The following HPCAL1 variants were observed in gnomAD, a reference collection of about 807,000 sequenced individuals.
HPCAL1 encodes hippocalcin-like protein 1.
Under a neutral mutation model 17.1 loss-of-function variants are expected in HPCAL1, and 8 were observed. That is an observed-to-expected ratio of 0.47 (90% CI 0.27 to 0.84). HPCAL1 has a LOEUF of 0.84. HPCAL1 is among the 40% of genes least tolerant of loss of function. The pLI is 0.13. For synonymous variants in HPCAL1, 112 were observed against 111.4 expected (o/e 1.01, Z -0.03); for missense variants, 165 against 271.1 (o/e 0.61, Z 2.75).
rs193269498 is a variant in HPCAL1, at chr2:10,384,835, C to T, written c.-110-12000C>T. 7.9e-5 allele frequency among the ~76,000 whole-genome samples: 12 copies of T among 152,192 alleles called. No homozygotes were observed. Among genetic ancestry groups the T allele is most frequent in the Admixed American group, 5.9e-4 (9 of 15,276 alleles). On this transcript the variant is annotated intron_variant, in intron 1 of 4. Transcript: ENST00000307845. This position sits in a 1 kb window ranked among gnomAD's most constrained non-coding sequence, Gnocchi z 4.4. Reference sequence around the variant, plus strand: ...AAAGATGTGAAAATAAAGATAGAGGCGACAGGCTGGGTGCGGTGGCTCATG... The same window carrying T: ...AAAGATGTGAAAATAAAGATAGAGGTGACAGGCTGGGTGCGGTGGCTCATG...
rs529797324 is a variant in HPCAL1, at chr2:10,387,389, C to T, written c.-110-9446C>T. Among the ~76,000 whole-genome samples the T allele has an allele frequency of 3.3e-5, 5 of 152,360 alleles. No homozygotes were observed. The East Asian group carries it at 5.8e-4, about 18-fold the overall frequency. ...GACTGGCTCTAGCTGCTGTGGGGCA[C>T]GTCCACGTGGAGAAGCGCTTGGTGT... On this transcript the variant is annotated intron_variant, in intron 1 of 4. Coordinates refer to ENST00000307845, the MANE Select transcript of HPCAL1 (RefSeq NM_002149.4).
At chr2:10,347,107 C>T (rs1159444419) in intron 1 of HPCAL1, among the ~76,000 whole-genome samples, 1 of 152,116 alleles carries the variant, frequency 6.6e-6, no homozygotes, top group Non-Finnish European at 1.5e-5. Flanking sequence ...CCCGCACCGC[C>T]CCCGCCCCCC....
chr2:10,413,233 C>T (rs922785656), intron 2 of HPCAL1, among the ~76,000 whole-genome samples: 16 of 152,200 alleles, frequency 1.1e-4, no homozygotes, highest in African/African-American at 3.6e-4. Flanking sequence ...CCCTGGGGCT[C>T]CTGGGACACA....
At position 10,362,559 on chromosome 2, in the gene HPCAL1, G is replaced by A. The variant is rs1470344696; in HGVS notation, c.-110-34276G>A. On this transcript the variant is annotated intron_variant, in intron 1 of 4. Coordinates refer to ENST00000307845, the MANE Select transcript of HPCAL1 (RefSeq NM_002149.4). This position sits in a 1 kb window ranked among gnomAD's most constrained non-coding sequence, Gnocchi z 5.0. ...AAAGGTGAGCTGGGCGATGGGGAAG[G>A]CCTCCACGGTGTTCTGTTGTAATGT... Among the ~76,000 whole-genome samples, 1 of 152,208 alleles carries A rather than the reference G, an allele frequency of 6.6e-6. No homozygotes were observed. Among genetic ancestry groups the A allele is most frequent in the Non-Finnish European group, 1.5e-5 (1 of 68,026 alleles).
At chr2:10,307,472 T>C (rs964824417) in intron 1 of HPCAL1, among the ~76,000 whole-genome samples, 1 of 152,170 alleles carries the variant, frequency 6.6e-6, no homozygotes, top group Non-Finnish European at 1.5e-5. Context: ...GATATAGATA[T>C]ACACCTGAGC....
chr2:10,422,961 G>C (rs2148042117), intron 3 of HPCAL1, 22 bp from the exon 4 acceptor site: 2 of 1,571,102 alleles, frequency 1.3e-6, no homozygotes, highest in Middle Eastern at 1.7e-4. Context: ...TCTGAGCACA[G>C]TGTCATTGCC....
intron 1 of HPCAL1, among the ~76,000 whole-genome samples, chr2:10,382,748 C>T (rs570598421): frequency 2.0e-5 from 3 of 152,298 alleles, no homozygotes; most frequent in East Asian, 3.9e-4. Flanking sequence ...TCCCTGCTCC[C>T]GTGTGGGACC....
At position 10,375,810 on chromosome 2, in the gene HPCAL1, C is replaced by A. The variant is rs945666582; in HGVS notation, c.-110-21025C>A. Among the ~76,000 whole-genome samples, 7 of 152,306 alleles carry A rather than the reference C, an allele frequency of 4.6e-5. 1 individual carries two copies. Among genetic ancestry groups the A allele is most frequent in the South Asian group, 2.1e-4 (1 of 4,826 alleles). The stretch of plus-strand genomic sequence containing the variant: ...TCAGCAGGTGCTGGCTCCCTTACGG[C>A]CCGAAGGAATCGATTGACAAACTCT... On this transcript the variant is annotated intron_variant, in intron 1 of 4. Transcript: ENST00000307845.
intron 1 of HPCAL1, among the ~76,000 whole-genome samples, chr2:10,373,111 C>T (rs1055023474): frequency 1.3e-5 from 2 of 152,174 alleles, no homozygotes; most frequent in African/African-American, 4.8e-5. Context: ...CTGAGAGCTG[C>T]GAGCCGGGGC....
intron 1 of HPCAL1, among the ~76,000 whole-genome samples, chr2:10,319,270 C>T (rs952718384): frequency 1.3e-5 from 2 of 152,174 alleles, no homozygotes; most frequent in Non-Finnish European, 2.9e-5. Context: ...CATTTTCCCT[C>T]TGCAAGATGT....
intron 1 of HPCAL1, among the ~76,000 whole-genome samples, chr2:10,372,578 C>A (rs1558495305): frequency 6.6e-6 from 1 of 152,188 alleles, no homozygotes; most frequent in Non-Finnish European, 1.5e-5. Context: ...CAAGGCAGAA[C>A]CCAGCAGCCG....
intron 1 of HPCAL1, among the ~76,000 whole-genome samples, chr2:10,346,751 G>A (rs1171095633): frequency 6.6e-6 from 1 of 152,112 alleles, no homozygotes; most frequent in Non-Finnish European, 1.5e-5. Flanking sequence ...ACAAAAACGA[G>A]ACTGTGAGAG....
rs1284814504 is a variant in HPCAL1, at chr2:10,394,463, G to A, written c.-110-2372G>A. Among the ~76,000 whole-genome samples, 1 of 152,204 alleles carries A rather than the reference G, an allele frequency of 6.6e-6. No individual in the cohort carries two copies. The highest frequency in any genetic ancestry group is 1.5e-5 in the Non-Finnish European group (1 of 68,046). ...GTGAGATAAATTGGCTGAGATCATC[G>A]ATTTGAAAACGCCGTGAGAAAATAT... On this transcript the variant is annotated intron_variant, in intron 1 of 4. Transcript: ENST00000307845. The surrounding 1 kb of genome is among the most constrained non-coding windows in gnomAD (Gnocchi z 5.0).
In HPCAL1 at chr2:10,315,998, C is replaced by A. The variant is rs186107858; in HGVS notation, c.-111+12821C>A. ...CTCCAGCCTGGGCAACAGAGTGAGA[C>A]TTGCTCTCAAAAAAAAACAACATCC... is the stretch of plus-strand genomic sequence containing the variant. On this transcript the variant is annotated intron_variant, in intron 1 of 4. Transcript: ENST00000307845. Among the ~76,000 whole-genome samples, 4 of 152,284 alleles carry A rather than the reference C, an allele frequency of 2.6e-5. No individual in the cohort carries two copies. The East Asian group carries it at 7.7e-4, about 29-fold the overall frequency.
In HPCAL1 at chr2:10,419,505, C is replaced by T. The variant is rs186307753; in HGVS notation, c.-24-229C>T. ...TTCCCCCCCGCATTTCCACATTCTC[C>T]AAGTGAGAACGTGTCCCGCAGTGTG... On this transcript the variant is annotated intron_variant, in intron 2 of 4. Transcript: ENST00000307845. The surrounding 1 kb of genome is among the most constrained non-coding windows in gnomAD (Gnocchi z 5.0). Among the ~76,000 whole-genome samples, 21 of 152,072 alleles carry T rather than the reference C, an allele frequency of 1.4e-4. No individual in the cohort carries two copies. The highest frequency in any genetic ancestry group is 1.0e-3 in the Admixed American group (16 of 15,270).
intron 1 of HPCAL1, among the ~76,000 whole-genome samples, chr2:10,391,534 T>C (rs1165631756): frequency 6.6e-6 from 1 of 152,240 alleles, no homozygotes; most frequent in Non-Finnish European, 1.5e-5. Flanking sequence ...TTCACTTGTA[T>C]GTGCAATTAT....
rs139354931 is a variant in HPCAL1, at chr2:10,390,567, A to G, written c.-110-6268A>G. Among the ~76,000 whole-genome samples, 794 of 152,204 alleles carry G rather than the reference A, an allele frequency of 5.2e-3. 10 individuals are homozygous for G. The highest frequency in any genetic ancestry group is 0.019 in the African/African-American group (771 of 41,520). ...TTGTAATTATGTTGGATTTCCTAAT[A>G]TATTAAAATAATTTGTCATCTCTTG... On this transcript the variant is annotated intron_variant, in intron 1 of 4. Coordinates refer to ENST00000307845, the MANE Select transcript of HPCAL1 (RefSeq NM_002149.4).
intron 1 of HPCAL1, among the ~76,000 whole-genome samples, chr2:10,379,756 C>T (rs1002101027): frequency 6.6e-6 from 1 of 152,314 alleles, no homozygotes; most frequent in East Asian, 1.9e-4. Context: ...GATAAAATTT[C>T]ACAGGGTTAA....
intron 2 of HPCAL1, among the ~76,000 whole-genome samples, chr2:10,415,490 C>A (rs1558531180): frequency 6.6e-6 from 1 of 152,212 alleles, no homozygotes; most frequent in South Asian, 2.1e-4. Context: ...AGATCCATGC[C>A]CCGCCTATGA....
Sources: gnomAD v4.1 joint callset for allele counts (sites outside exome capture counted in the v4.1 genomes callset) on GRCh38, gnomAD v4.1.1 for gene constraint, Gnocchi (gnomAD v3.1) non-coding constraint, MANE v1.5 for transcripts, NCBI Gene and HGNC (gene_info 2026-07-23, HGNC 2026-07-21) for gene names.